Variants in ABCB11 observed in about 807,000 individuals in gnomAD.
ABCB11 encodes ATP binding cassette subfamily B member 11, also known as bile salt export pump.
Under a neutral mutation model 148.0 loss-of-function variants are expected in ABCB11, and 95 were observed. The ratio of observed to expected loss-of-function variants is 0.64; its 90% CI spans 0.54 to 0.76. The LOEUF is 0.76. Among genes scored for constraint, ABCB11 ranks in the 30% least tolerant of loss-of-function variants. ABCB11 has a pLI of 0.00. For synonymous variants in ABCB11, 591 were observed against 555.4 expected, an observed-to-expected ratio of 1.06 and a Z score of -0.90; for missense variants, 1,523 against 1,617.8, an observed-to-expected ratio of 0.94 and a Z score of 1.01.
Position 168,923,591 on chromosome 2 carries a change from C to T in ABCB11, c.*31G>A, listed in dbSNP as rs749893129. On this transcript the variant is annotated 3_prime_UTR_variant, in exon 28 of 28. Transcript: ENST00000650372. ...TTAAAAACAACCCCTGTAACTGGTG[C>T]GTCATGTGTGTCTGAGATTCTTGCA... 52 of 1,604,772 alleles carry T rather than the reference C, an allele frequency of 3.2e-5. No homozygotes were observed. Among genetic ancestry groups the T allele is most frequent in the Non-Finnish European group, 4.1e-5 (48 of 1,171,848 alleles).
intron 5 of ABCB11, among the ~76,000 whole-genome samples, chr2:169,012,080 T>C (rs1695203751): frequency 6.6e-6 from 1 of 152,082 alleles, no homozygotes; most frequent in Non-Finnish European, 1.5e-5. Flanking sequence ...CTAAGAGAGA[T>C]AATATTATGG....
At chr2:168,917,729 T>C (rs1690967073), downstream of ABCB11, among the ~76,000 whole-genome samples, 1 of 152,206 alleles carries the variant, frequency 6.6e-6, no homozygotes, top group Non-Finnish European at 1.5e-5. Flanking sequence ...ATGGAGAAGC[T>C]GGGCTCATGT....
At chr2:168,963,999 TTAAAAA>T (rs1477423439) in intron 18 of ABCB11, among the ~76,000 whole-genome samples, 1 of 151,858 alleles carries the variant, frequency 6.6e-6, no homozygotes, top group Non-Finnish European at 1.5e-5. Flanking sequence ...CCTTGTATTC[TTAAAAA>T]TAATCAATTA....
At chr2:169,029,144 C>T (rs1440620945) in intron 1 of ABCB11, among the ~76,000 whole-genome samples, 1 of 152,020 alleles carries the variant, frequency 6.6e-6, no homozygotes, top group African/African-American at 2.4e-5. Context: ...GAAGTCTTGC[C>T]CTCTGTAAAG....
chr2:168,956,268 G>C (rs1692786784), intron 19 of ABCB11, among the ~76,000 whole-genome samples: 1 of 151,472 alleles, frequency 6.6e-6, no homozygotes, highest in Admixed American at 6.6e-5. Context: ...CTCCCACCAG[G>C]TTCTTCCTTC....
At chr2:168,942,564 A>C (rs1001795230) in intron 21 of ABCB11, among the ~76,000 whole-genome samples, 51 of 152,006 alleles carry the variant, frequency 3.4e-4, no homozygotes, top group African/African-American at 1.1e-3. Context: ...CAATAGAATG[A>C]CTATAATAAA....
Position 168,968,503 on chromosome 2 carries a change from G to C in ABCB11, c.2012-13C>G. On this transcript the variant is annotated splice_polypyrimidine_tract_variant and intron_variant, in intron 16 of 27. Coordinates refer to ENST00000650372, the MANE Select transcript of ABCB11 (RefSeq NM_003742.4). Reference sequence around the variant, plus strand: ...TCTTCAGTTGCATCTACTCAACACAGCATGAGCAATTTTTTAGTATATACA... The same window carrying C: ...TCTTCAGTTGCATCTACTCAACACACCATGAGCAATTTTTTAGTATATACA... 1 of 1,605,152 alleles carries C rather than the reference G, an allele frequency of 6.2e-7. No homozygotes were observed. The highest frequency in any genetic ancestry group is 8.5e-7 in the Non-Finnish European group (1 of 1,174,432).
chr2:168,945,070 A>G (rs899350171), intron 19 of ABCB11, 109 bp from the exon 20 acceptor site: 2 of 728,738 alleles, frequency 2.7e-6, no homozygotes, highest in African/African-American at 3.6e-5. Context: ...ATCTGTCCAA[A>G]TTCATAAAAT....
rs184939344 is a variant in ABCB11 at position 168,978,401 on chromosome 2, G to A, written c.1197+1465C>T. On this transcript the variant is annotated intron_variant, in intron 11 of 27. Coordinates refer to ENST00000650372, the MANE Select transcript of ABCB11 (RefSeq NM_003742.4). ...TCCTCCCGACTTGGCCTCCCAAAGT[G>A]CTGGGATTACAGGTGTGAGCCACCA... Among the ~76,000 whole-genome samples the A allele has an allele frequency of 7.2e-5, 11 of 151,940 alleles. No individual in the cohort carries two copies. The South Asian group carries it at 2.1e-3, about 29-fold the overall frequency.
intron 24 of ABCB11, among the ~76,000 whole-genome samples, chr2:168,931,362 A>G (rs1434248078): frequency 6.6e-6 from 1 of 152,248 alleles, no homozygotes; most frequent in African/African-American, 2.4e-5. Flanking sequence ...TAGACATTTA[A>G]TAGACCACAC....
At chr2:168,956,232 A>C (rs1029376906) in intron 19 of ABCB11, among the ~76,000 whole-genome samples, 2 of 151,600 alleles carry the variant, frequency 1.3e-5, no homozygotes, top group Non-Finnish European at 3.0e-5. Flanking sequence ...GCAAGGGGGA[A>C]ATCCACCCAC....
At chr2:168,993,993 C>G in intron 7 of ABCB11, 111 bp from the exon 8 acceptor site, 1 of 916,096 alleles carries the variant, frequency 1.1e-6, no homozygotes, top group South Asian at 1.7e-5. Context: ...ATCCCTATCA[C>G]CCTTGGATAG....
At chr2:169,005,183 A>G (rs1157708839) in intron 5 of ABCB11, among the ~76,000 whole-genome samples, 1 of 151,994 alleles carries the variant, frequency 6.6e-6, no homozygotes, top group African/African-American at 2.4e-5. Flanking sequence ...TCCTATAGGG[A>G]GAATGCAAAG....
chr2:168,975,594 A>T (rs1180901093), intron 12 of ABCB11, among the ~76,000 whole-genome samples: 2 of 79,194 alleles, frequency 2.5e-5, no homozygotes, highest in African/African-American at 5.0e-5. Flanking sequence ...TAAATACATA[A>T]ATATTTTTAT....
intron 21 of ABCB11, among the ~76,000 whole-genome samples, chr2:168,944,402 A>G (rs1248801921): frequency 6.6e-6 from 1 of 152,034 alleles, no homozygotes; most frequent in South Asian, 2.1e-4. Context: ...TGCATGCCAT[A>G]TATTGATTCT....
intron 14 of ABCB11, among the ~76,000 whole-genome samples, 161 bp downstream of exon 14, chr2:168,971,686 T>C (rs1042506813): frequency 6.6e-6 from 1 of 151,988 alleles, no homozygotes; most frequent in Admixed American, 6.6e-5. Flanking sequence ...TGTTTTCAGA[T>C]GAAAGGAAAC....
intron 5 of ABCB11, among the ~76,000 whole-genome samples, chr2:168,998,195 C>A (rs770699833): frequency 5.9e-5 from 9 of 152,030 alleles, no homozygotes; most frequent in African/African-American, 9.7e-5. Flanking sequence ...TGAGTCAATT[C>A]TCTTCATTTT....
chr2:168,955,123 C>T (rs572239082), intron 19 of ABCB11, among the ~76,000 whole-genome samples: 4 of 151,694 alleles, frequency 2.6e-5, no homozygotes, highest in African/African-American at 9.6e-5. Context: ...TGCTATTTAT[C>T]TCCTTGGTAA....
intron 7 of ABCB11, 110 bp downstream of exon 7, chr2:168,995,239 G>C (rs2106013432): frequency 7.9e-7 from 1 of 1,268,840 alleles, no homozygotes; most frequent in Non-Finnish European, 1.1e-6. Context: ...CAATTTAAGA[G>C]ATGAAACATA....
Sources: allele counts gnomAD v4.1 joint callset (sites outside exome capture counted in the v4.1 genomes callset), GRCh38; gene constraint gnomAD v4.1.1; transcripts MANE v1.5; gene names NCBI Gene and HGNC (gene_info 2026-07-23, HGNC 2026-07-21).